Variants in LRP6 observed in about 807,000 individuals in gnomAD.
The protein encoded by LRP6 is low-density lipoprotein receptor-related protein 6.
In LRP6, 43 loss-of-function variants were observed where a neutral mutation model predicts 184.1. The observed-to-expected ratio is 0.23, with a 90% CI of 0.18 to 0.30. LRP6 has a LOEUF of 0.30. Ranked by LOEUF, LRP6 falls within the 10% of genes least tolerant of loss-of-function variation. LRP6 has a pLI of 1.00. For synonymous variants in LRP6, 719 were observed against 684.9 expected (o/e 1.05, Z -0.78); for missense variants, 1,571 against 2,005.3 (o/e 0.78, Z 4.14).
intron 3 of LRP6, 86 bp downstream of exon 3, chr12:12,203,117 A>G (rs1863959891): frequency 3.2e-6 from 3 of 940,638 alleles, no homozygotes; most frequent in South Asian, 1.7e-5. Flanking sequence ...AAAAATAAAC[A>G]TATTTCTTAA....
At chr12:12,255,943 A>G (rs775391341) in intron 1 of LRP6, among the ~76,000 whole-genome samples, 1 of 152,090 alleles carries the variant, frequency 6.6e-6, no homozygotes, top group Non-Finnish European at 1.5e-5. Context: ...TTTTACATTA[A>G]TATGTATTTC....
chr12:12,128,904 G>C (rs185123243), intron 19 of LRP6, among the ~76,000 whole-genome samples: 58 of 152,170 alleles, frequency 3.8e-4, no homozygotes, highest in Admixed American at 2.1e-3. Context: ...TCCGAAATCT[G>C]TTCTCTCCCT....
At chr12:12,233,690 T>C (rs1479424571) in intron 2 of LRP6, among the ~76,000 whole-genome samples, 4 of 152,182 alleles carry the variant, frequency 2.6e-5, no homozygotes, top group Admixed American at 6.6e-5. Context: ...GACACAGATA[T>C]CTGAGTATGA....
chr12:12,168,521 C>T (rs1013558357), intron 7 of LRP6, among the ~76,000 whole-genome samples: 1 of 152,098 alleles, frequency 6.6e-6, no homozygotes, highest in East Asian at 1.9e-4. Context: ...GCAGATACCA[C>T]CCTATGGCAG....
chr12:12,199,648 G>A (rs1256014067), intron 3 of LRP6, among the ~76,000 whole-genome samples: 4 of 151,938 alleles, frequency 2.6e-5, no homozygotes, highest in Non-Finnish European at 5.9e-5. Flanking sequence ...GTACTTTAGG[G>A]AACTGTGAAG....
chr12:12,136,468 T>C (rs1949841827), intron 16 of LRP6, among the ~76,000 whole-genome samples: 1 of 152,242 alleles, frequency 6.6e-6, no homozygotes, highest in Non-Finnish European at 1.5e-5. Context: ...AATGTCTAAC[T>C]TCCTCATACA....
intron 12 of LRP6, chr12:12,155,676 G>A: frequency 1.0e-6 from 1 of 956,534 alleles, no homozygotes; most frequent in Admixed American, 1.7e-5. Flanking sequence ...TTCAACTGAA[G>A]CGCCAGCCTG....
Position 12,124,723 on chromosome 12 carries a change from TC to T in LRP6, c.4450-62del. 3.8e-6 allele frequency: 4 copies of T among 1,064,672 alleles called. No homozygotes were observed. The South Asian group carries it at 5.5e-5, about 15-fold the overall frequency. 66.0% of individuals were successfully genotyped at this position (1,064,672 alleles called of 1,614,324 possible). ...AACATAGAAACTATCAGACTTTCTT[TC>T]AACTTTTCTTCCTTCATCTCTATTA... is the stretch of plus-strand genomic sequence containing the variant. On this transcript the variant is annotated intron_variant, in intron 21 of 22. Coordinates refer to ENST00000261349, the MANE Select transcript of LRP6 (RefSeq NM_002336.3).
chr12:12,134,310 T>A (rs2136872346), intron 17 of LRP6, among the ~76,000 whole-genome samples: 1 of 151,180 alleles, frequency 6.6e-6, no homozygotes, highest in Non-Finnish European at 1.5e-5. Context: ...TTTTACTTAA[T>A]AATTTTCACA....
At chr12:12,129,919 G>A (rs1949724414) in intron 19 of LRP6, among the ~76,000 whole-genome samples, 1 of 152,044 alleles carries the variant, frequency 6.6e-6, no homozygotes, top group South Asian at 2.1e-4. Context: ...TCCCTAATAA[G>A]CTGACTACTC....
At chr12:12,129,616 G>T (rs567108827) in intron 19 of LRP6, among the ~76,000 whole-genome samples, 1 of 151,642 alleles carries the variant, frequency 6.6e-6, no homozygotes, top group African/African-American at 2.4e-5. Flanking sequence ...ACAATGGCAC[G>T]ATCTCGGCTC....
chr12:12,199,669 A>G (rs1863860976), intron 3 of LRP6, among the ~76,000 whole-genome samples: 1 of 152,010 alleles, frequency 6.6e-6, no homozygotes, highest in South Asian at 2.1e-4. Context: ...ATAATTCAGT[A>G]ATAAAACAAG....
At chr12:12,124,884 A>T (rs550215911) in intron 21 of LRP6, among the ~76,000 whole-genome samples, 1 of 152,336 alleles carries the variant, frequency 6.6e-6, no homozygotes, top group Non-Finnish European at 1.5e-5. Context: ...ACAAAAACGA[A>T]AATCTGTAAC....
chr12:12,266,039 G>A (rs1404638802), intron 1 of LRP6, among the ~76,000 whole-genome samples: 1 of 152,098 alleles, frequency 6.6e-6, no homozygotes, highest in Admixed American at 6.5e-5. Context: ...GAATACCAGA[G>A]GTTACAAGGG....
At chr12:12,134,461 A>G (rs1949804233) in intron 17 of LRP6, among the ~76,000 whole-genome samples, 2 of 152,192 alleles carry the variant, frequency 1.3e-5, no homozygotes, top group South Asian at 4.1e-4. Context: ...GTGGTGCCTG[A>G]TACCATCATA....
chr12:12,141,436 T>C (rs1351634720), intron 15 of LRP6, among the ~76,000 whole-genome samples: 1 of 151,934 alleles, frequency 6.6e-6, no homozygotes, highest in Non-Finnish European at 1.5e-5. Context: ...CTATAAAACA[T>C]GAAAGCAAAT....
intron 11 of LRP6, 138 bp downstream of exon 11, chr12:12,159,642 G>A (rs1293655025): frequency 9.0e-6 from 7 of 779,764 alleles, no homozygotes; most frequent in Admixed American, 2.3e-5. Flanking sequence ...TAACAAACAG[G>A]ATACAATTCC....
At chr12:12,253,140 T>C (rs1441459467) in intron 1 of LRP6, among the ~76,000 whole-genome samples, 1 of 152,160 alleles carries the variant, frequency 6.6e-6, no homozygotes, top group African/African-American at 2.4e-5. Flanking sequence ...GGCGCGTGCC[T>C]GTAATCCCAG....
intron 12 of LRP6, among the ~76,000 whole-genome samples, chr12:12,157,943 G>C (rs1394641777): frequency 2.0e-5 from 3 of 152,066 alleles, no homozygotes; most frequent in African/African-American, 7.2e-5. Context: ...GTGTGTACTT[G>C]CCGGTATTTA....
Sources: gnomAD v4.1 joint callset for allele counts (sites outside exome capture counted in the v4.1 genomes callset) on GRCh38, gnomAD v4.1.1 for gene constraint, MANE v1.5 for transcripts, NCBI Gene and HGNC (gene_info 2026-07-23, HGNC 2026-07-21) for gene names.